The following CNGB1 variants were observed in gnomAD, a reference collection of about 807,000 sequenced individuals.
CNGB1 encodes cyclic nucleotide-gated channel beta-1.
In CNGB1, 126 loss-of-function variants were observed where a neutral mutation model predicts 151.7. That is an observed-to-expected ratio of 0.83 (90% confidence interval 0.72 to 0.96). The LOEUF is 0.96. Among genes scored for constraint, CNGB1 ranks in the 40% least tolerant of loss-of-function variants. CNGB1 has a pLI of 0.00. For missense variants in CNGB1, 1,698 were observed against 1,627.0 expected, an observed-to-expected ratio of 1.04 and a Z score of -0.75; for synonymous variants, 623 against 635.1, an observed-to-expected ratio of 0.98 and a Z score of 0.29.
chr16:57,969,663 G>C (rs908058510), intron 1 of CNGB1, among the ~76,000 whole-genome samples: 9 of 152,170 alleles, frequency 5.9e-5, no homozygotes, highest in Non-Finnish European at 1.2e-4. Context: ...GAAAGAAAAA[G>C]ATAAAATGCC....
rs531530027 is a variant in CNGB1 at position 57,900,284 on chromosome 16, C to T, written c.2976+1068G>A. On this transcript the variant is annotated intron_variant, in intron 29 of 32. Coordinates refer to ENST00000251102, the MANE Select transcript of CNGB1 (RefSeq NM_001297.5). The stretch of plus-strand genomic sequence containing the variant: ...TAAATTCTCAGGTCTCTGAAGCATA[C>T]TTTTCCCCTCTTCACCCCGGCTCTC... 2.6e-5 allele frequency among the ~76,000 whole-genome samples: 4 copies of T among 152,334 alleles called. No individual in the cohort carries two copies. In the East Asian group the frequency reaches 7.7e-4, roughly 29 times the overall value.
At chr16:57,903,546 G>A (rs1960447485) in intron 27 of CNGB1, among the ~76,000 whole-genome samples, 1 of 152,152 alleles carries the variant, frequency 6.6e-6, no homozygotes, top group Non-Finnish European at 1.5e-5. Context: ...GCTCTTGGAT[G>A]GGGATGCATT....
At chr16:57,962,436 C>A in intron 7 of CNGB1, 129 bp downstream of exon 7, 1 of 839,638 alleles carries the variant, frequency 1.2e-6, no homozygotes, top group East Asian at 2.4e-5. Context: ...GGAAACAGGC[C>A]CAGAAGAGAC....
At chr16:57,942,703 A>T (rs1373866134) in intron 14 of CNGB1, among the ~76,000 whole-genome samples, 8 of 151,982 alleles carry the variant, frequency 5.3e-5, no homozygotes, top group African/African-American at 1.9e-4. Context: ...CAACTCTATA[A>T]GATACAAAAA....
At chr16:57,928,646 T>C (rs1961258169) in intron 17 of CNGB1, among the ~76,000 whole-genome samples, 1 of 152,144 alleles carries the variant, frequency 6.6e-6, no homozygotes, top group South Asian at 2.1e-4. Flanking sequence ...TATTATCTTT[T>C]TTTTTTCTTC....
At chr16:57,935,756 C>A in intron 16 of CNGB1, among the ~76,000 whole-genome samples, 1 of 146,462 alleles carries the variant, frequency 6.8e-6, no homozygotes, top group Middle Eastern at 3.5e-3. Flanking sequence ...TTTCCTTTTT[C>A]TTTTTTTTTT....
intron 18 of CNGB1, among the ~76,000 whole-genome samples, chr16:57,921,286 G>A (rs545300608): frequency 7.3e-6 from 1 of 136,550 alleles, no homozygotes; most frequent in Non-Finnish European, 1.5e-5. Context: ...GCAGTGGTAT[G>A]ACCTCGGCTC....
intron 16 of CNGB1, among the ~76,000 whole-genome samples, chr16:57,937,580 G>C (rs1176135797): frequency 1.3e-5 from 2 of 152,116 alleles, no homozygotes; most frequent in Non-Finnish European, 2.9e-5. Context: ...AACTTCCCAT[G>C]CTCCCTCCAC....
intron 31 of CNGB1, among the ~76,000 whole-genome samples, chr16:57,890,361 G>A (rs1460418224): frequency 1.3e-5 from 2 of 152,258 alleles, no homozygotes; most frequent in African/African-American, 2.4e-5. Flanking sequence ...GCGCCAGCTC[G>A]GCACTGTCCC....
intron 19 of CNGB1, 39 bp downstream of exon 19, chr16:57,920,348 A>C (rs371108015): frequency 2.5e-6 from 4 of 1,612,134 alleles, no homozygotes; most frequent in Non-Finnish European, 3.4e-6. Flanking sequence ...GCCCCACCCC[A>C]TCCCCATCCA....
At chr16:57,924,521 G>T (rs1482694058) in intron 17 of CNGB1, among the ~76,000 whole-genome samples, 1 of 152,190 alleles carries the variant, frequency 6.6e-6, no homozygotes, top group African/African-American at 2.4e-5. Flanking sequence ...AACACAGAAG[G>T]CTGAGTGTTA....
chr16:57,941,930 C>G (rs1228247449), intron 14 of CNGB1, among the ~76,000 whole-genome samples: 2 of 152,192 alleles, frequency 1.3e-5, no homozygotes, highest in African/African-American at 2.4e-5. Context: ...TGGCTCACTA[C>G]AGCCTCAACC....
At chr16:57,949,133 T>A (rs152141) in intron 14 of CNGB1, among the ~76,000 whole-genome samples, 8 of 149,278 alleles carry the variant, frequency 5.4e-5, no homozygotes, top group Non-Finnish European at 1.0e-4. Context: ...CTAGTGTGTG[T>A]GGGGGGGGAT....
chr16:57,960,378 G>A (rs1962212960), intron 9 of CNGB1, 104 bp downstream of exon 9: 1 of 1,432,998 alleles, frequency 7.0e-7, no homozygotes, highest in African/African-American at 1.4e-5. Flanking sequence ...CCTAGTCTGG[G>A]TGGGGGCTAA....
At chr16:57,961,545 A>C (rs1417495224) in intron 7 of CNGB1, among the ~76,000 whole-genome samples, 1 of 152,118 alleles carries the variant, frequency 6.6e-6, no homozygotes, top group Non-Finnish European at 1.5e-5. Context: ...CCTCATCCTA[A>C]ATTGCTTTAG....
intron 2 of CNGB1, among the ~76,000 whole-genome samples, chr16:57,966,346 C>T (rs1962399269): frequency 6.6e-6 from 1 of 152,236 alleles, no homozygotes; most frequent in African/African-American, 2.4e-5. Context: ...TCAGCACTGA[C>T]CACAGGGCCT....
At chr16:57,957,639 A>G (rs1308599569) in intron 11 of CNGB1, among the ~76,000 whole-genome samples, 1 of 152,238 alleles carries the variant, frequency 6.6e-6, no homozygotes, top group Non-Finnish European at 1.5e-5. Flanking sequence ...GCACCTGCTC[A>G]GAGGAGCCAG....
chr16:57,960,475 C>A lies in CNGB1; in HGVS notation c.583+7G>T. 1 of 1,613,192 alleles carries A rather than the reference C, an allele frequency of 6.2e-7. No individual in the cohort carries two copies. ...GGCAGCCCCCTCCCGAGCTCCCCTC[C>A]CTGTACCTGGGTCTGAGGCAGCACC... is the stretch of plus-strand genomic sequence containing the variant. On this transcript the variant is annotated splice_region_variant and intron_variant, in intron 9 of 32. Coordinates refer to ENST00000251102, the MANE Select transcript of CNGB1 (RefSeq NM_001297.5).
intron 26 of CNGB1, among the ~76,000 whole-genome samples, chr16:57,904,343 T>G (rs1018119288): frequency 1.3e-5 from 2 of 152,128 alleles, no homozygotes; most frequent in Non-Finnish European, 2.9e-5. Flanking sequence ...AGGAAGCCAG[T>G]GTGCTGTTCC....
Sources: gnomAD v4.1 joint callset for allele counts (sites outside exome capture counted in the v4.1 genomes callset) on GRCh38, gnomAD v4.1.1 for gene constraint, MANE v1.5 for transcripts, NCBI Gene and HGNC (gene_info 2026-07-23, HGNC 2026-07-21) for gene names.